ATP13A4: variants seen among roughly 807,000 people sequenced by gnomAD.
The protein encoded by ATP13A4 is ATPase 13A4.
ATP13A4 carries 114 observed loss-of-function variants against 142.5 expected under a neutral mutation model. That is an observed-to-expected ratio of 0.80 (90% CI 0.69 to 0.93). The LOEUF (loss-of-function observed/expected upper bound fraction) is 0.93. Among genes scored for constraint, ATP13A4 ranks in the 40% least tolerant of loss-of-function variants. The probability of loss-of-function intolerance (pLI) is 0.00; values close to 1 mark genes in which losing one functional copy is unlikely to be tolerated. For synonymous variants in ATP13A4, 488 were observed against 514.8 expected (o/e 0.95, Z 0.70); for missense variants, 1,392 against 1,454.0 (o/e 0.96, Z 0.69).
intron 16 of ATP13A4, 22 bp from the exon 17 acceptor site, chr3:193,454,234 G>C: frequency 6.4e-7 from 1 of 1,551,214 alleles, no homozygotes; most frequent in Non-Finnish European, 8.9e-7. Context: ...GAAACACAGG[G>C]TTAGTACGCA....
Position 193,402,817 on chromosome 3 carries a change from A to C in ATP13A4, c.3426T>G (p.Cys1142Trp). The C allele has an allele frequency of 6.2e-7, 1 of 1,614,140 alleles. No individual in the cohort carries two copies. The highest frequency in any genetic ancestry group is 8.5e-7 in the Non-Finnish European group (1 of 1,179,996). Reference protein sequence around the residue: ...NRALWMMIKRCFGYQSKSQYR... With the variant: ...NRALWMMIKRWFGYQSKSQYR... ...ACTGGCTTTTTGACTGATAGCCGAA[A>C]CATCTTTTAATCATCATCCACAGGG... is the stretch of plus-strand genomic sequence containing the variant. Residue 1142 changes from cysteine (C) to tryptophan (W), a missense_variant, in exon 30 of 30, where the codon TGT (cysteine) becomes TGG (tryptophan). Transcript: ENST00000342695.
chr3:193,470,480 C>A (rs1718553382), intron 9 of ATP13A4, among the ~76,000 whole-genome samples: 1 of 152,136 alleles, frequency 6.6e-6, no homozygotes, highest in African/African-American at 2.4e-5. Flanking sequence ...TCAAACCCTC[C>A]AAGTTTATTT....
rs532318441 is a variant in ATP13A4, at chr3:193,565,804, G to A, written n.291+15903C>T. On this transcript the variant is annotated intron_variant and non_coding_transcript_variant, in intron 2 of 3. Coordinates refer to the ATP13A4 transcript ENST00000489140. ...GTGGTTAAGTATTTAAAAACAGGTC[G>A]TGAGAAACATATTCATTTCCTGTTT... is the stretch of plus-strand genomic sequence containing the variant. Among the ~76,000 whole-genome samples, 385 of 152,302 alleles carry A rather than the reference G, an allele frequency of 2.5e-3. 1 individual carries two copies. The highest frequency in any genetic ancestry group is 4.3e-3 in the Non-Finnish European group (293 of 68,026).
At chr3:193,506,478 G>A (rs1422655076) in intron 2 of ATP13A4, among the ~76,000 whole-genome samples, 1 of 152,198 alleles carries the variant, frequency 6.6e-6, no homozygotes, top group Non-Finnish European at 1.5e-5. Context: ...GACCTGGACT[G>A]AAAAACAGAG....
intron 1 of ATP13A4, among the ~76,000 whole-genome samples, chr3:193,591,004 T>TA (rs1322555493): frequency 6.6e-6 from 1 of 152,234 alleles, no homozygotes; most frequent in Non-Finnish European, 1.5e-5. Flanking sequence ...CTGATATTTT[T>TA]ATGTGATTTT....
At chr3:193,497,256 A>G (rs888911929) in intron 3 of ATP13A4, among the ~76,000 whole-genome samples, 6 of 152,230 alleles carry the variant, frequency 3.9e-5, no homozygotes, top group Admixed American at 3.9e-4. Context: ...AAATGGGCAA[A>G]AGACCTAAAC....
intron 2 of ATP13A4, among the ~76,000 whole-genome samples, chr3:193,565,858 G>A (rs1379479174): frequency 2.0e-5 from 3 of 152,160 alleles, no homozygotes; most frequent in East Asian, 3.8e-4. Context: ...GATGTTGAAC[G>A]CACCATTCCA....
chr3:193,423,222 A>C (rs1472568515), intron 25 of ATP13A4, among the ~76,000 whole-genome samples: 6 of 149,726 alleles, frequency 4.0e-5, no homozygotes, highest in African/African-American at 7.4e-5. Context: ...TTAGTAATAA[A>C]ACTTTTCCAA....
intron 18 of ATP13A4, among the ~76,000 whole-genome samples, chr3:193,445,899 C>T (rs1716923076): frequency 6.6e-6 from 1 of 151,358 alleles, no homozygotes; most frequent in Admixed American, 6.6e-5. Flanking sequence ...CTGAACGATT[C>T]AAAAGGGGAT....
At position 193,494,904 on chromosome 3, in the gene ATP13A4, A is replaced by G. The variant is rs74496388; in HGVS notation, c.382-1744T>C. Among the ~76,000 whole-genome samples the G allele has an allele frequency of 3.8e-3, 571 of 152,184 alleles. 5 individuals carry two copies. The highest frequency in any genetic ancestry group is 0.013 in the African/African-American group (534 of 41,578). On this transcript the variant is annotated intron_variant, in intron 3 of 29. Transcript: ENST00000342695. Reference sequence around the variant, plus strand: ...AGGGTAGACTCAAATAAAGTCAGAAATGAAAAAAGAGACATTACGAATGAT... The same window carrying G: ...AGGGTAGACTCAAATAAAGTCAGAAGTGAAAAAAGAGACATTACGAATGAT...
At position 193,460,673 on chromosome 3, in the gene ATP13A4, G is replaced by GA. The variant is rs534075040; in HGVS notation, c.1524-1443dup. 8.7e-4 allele frequency among the ~76,000 whole-genome samples: 132 copies of GA among 152,050 alleles called. 4 individuals carry two copies. The South Asian group carries it at 0.026, about 30-fold the overall frequency. On this transcript the variant is annotated intron_variant, in intron 13 of 29. Transcript: ENST00000342695. ...ACACTGAAAAGCAAAATACAGATCA[G>GA]AAAAAAAATCTTATTTTTACTATGA...
At chr3:193,504,020 T>TGTGTGTGTGTGAGA (rs1034644341) in intron 2 of ATP13A4, among the ~76,000 whole-genome samples, 19 of 144,318 alleles carry the variant, frequency 1.3e-4, no homozygotes, top group African/African-American at 4.7e-4. Context: ...TGTGTGTGTG[T>TGTGTGTGTGTGAGA]GAGAGAGAGA....
intron 18 of ATP13A4, 57 bp from the exon 19 acceptor site, chr3:193,442,613 C>A: frequency 1.9e-6 from 3 of 1,542,602 alleles, no homozygotes; most frequent in Non-Finnish European, 2.7e-6. Context: ...TTAATTCATG[C>A]AGAGCCTTGA....
At chr3:193,576,585 T>C (rs962002258) in intron 2 of ATP13A4, among the ~76,000 whole-genome samples, 1 of 152,204 alleles carries the variant, frequency 6.6e-6, no homozygotes, top group Non-Finnish European at 1.5e-5. Context: ...ATCAATCTTA[T>C]GTAAATTATT....
intron 1 of ATP13A4, among the ~76,000 whole-genome samples, chr3:193,531,874 C>T (rs1722358110): frequency 6.6e-6 from 1 of 152,178 alleles, no homozygotes; most frequent in Non-Finnish European, 1.5e-5. Flanking sequence ...GAGTCTCCCA[C>T]ATAAACTAAG....
intron 3 of ATP13A4, among the ~76,000 whole-genome samples, chr3:193,496,384 A>G (rs568842421): frequency 6.6e-6 from 1 of 152,338 alleles, no homozygotes; most frequent in African/African-American, 2.4e-5. Flanking sequence ...ATATAGACCA[A>G]TGGAACCACA....
intron 9 of ATP13A4, 37 bp from the exon 10 acceptor site, chr3:193,467,523 T>C (rs186581935): frequency 6.2e-7 from 1 of 1,600,134 alleles, no homozygotes; most frequent in African/African-American, 1.3e-5. Flanking sequence ...TGAGGCAGGA[T>C]GGCTTCCCTC....
At chr3:193,578,657 CA>C (rs1256560899) in intron 2 of ATP13A4, among the ~76,000 whole-genome samples, 2 of 152,100 alleles carry the variant, frequency 1.3e-5, no homozygotes, top group African/African-American at 4.8e-5. Context: ...GGGCATGCAC[CA>C]TCCAGTCACT....
intron 2 of ATP13A4, among the ~76,000 whole-genome samples, chr3:193,512,964 A>T (rs1413594720): frequency 6.6e-6 from 1 of 152,248 alleles, no homozygotes; most frequent in Non-Finnish European, 1.5e-5. Context: ...CCAGCTCAAC[A>T]TCACCAATAT....
Sources: gnomAD v4.1 joint callset for allele counts (sites outside exome capture counted in the v4.1 genomes callset) on GRCh38, gnomAD v4.1.1 for gene constraint, MANE v1.5 for transcripts, NCBI Gene and HGNC (gene_info 2026-07-23, HGNC 2026-07-21) for gene names.